HKDC1: variants seen among roughly 807,000 people sequenced by gnomAD.
HKDC1 encodes the protein hexokinase domain containing 1, also known as hexokinase HKDC1.
Under a neutral mutation model 96.6 loss-of-function variants are expected in HKDC1, and 66 were observed. That is an observed-to-expected ratio of 0.68 (90% CI 0.56 to 0.84). The LOEUF (loss-of-function observed/expected upper bound fraction) is 0.84. Ranked by LOEUF, HKDC1 falls within the 40% of genes least tolerant of loss-of-function variation. HKDC1 has a pLI of 0.00. For synonymous variants in HKDC1, 466 were observed against 473.1 expected (o/e 0.98, Z 0.20); for missense variants, 1,211 against 1,208.1 (o/e 1.00, Z -0.04).
intron 15 of HKDC1, 42 bp downstream of exon 15, chr10:69,259,001 G>A: frequency 7.0e-7 from 1 of 1,432,524 alleles, no homozygotes; most frequent in Non-Finnish European, 9.3e-7. Context: ...GTTGTGTAGT[G>A]AACAACACTA....
intron 2 of HKDC1, among the ~76,000 whole-genome samples, chr10:69,229,758 G>A (rs903564768): frequency 6.6e-6 from 1 of 152,092 alleles, no homozygotes; most frequent in Admixed American, 6.6e-5. Flanking sequence ...CCCCGTCTCC[G>A]CAGAGCCTCT....
intron 7 of HKDC1, among the ~76,000 whole-genome samples, chr10:69,244,839 A>G (rs1290935161): frequency 1.3e-5 from 2 of 151,740 alleles, no homozygotes; most frequent in African/African-American, 4.8e-5. Context: ...AAATATATAT[A>G]TATATTATAT....
intron 16 of HKDC1, among the ~76,000 whole-genome samples, chr10:69,263,307 C>A (rs567526395): frequency 1.3e-5 from 2 of 152,288 alleles, no homozygotes; most frequent in African/African-American, 4.8e-5. Context: ...CCATGTCGCC[C>A]AGGTTGATCT....
At chr10:69,260,043 T>G (rs1293342820) in intron 15 of HKDC1, among the ~76,000 whole-genome samples, 1 of 152,264 alleles carries the variant, frequency 6.6e-6, no homozygotes, top group Non-Finnish European at 1.5e-5. Context: ...TTTTAGGTTT[T>G]GCAGGCCATA....
chr10:69,250,483 C>A (rs1385333593), intron 11 of HKDC1, 48 bp downstream of exon 11: 1 of 1,612,560 alleles, frequency 6.2e-7, no homozygotes, highest in Non-Finnish European at 8.5e-7. Context: ...AGCCTGCCAC[C>A]CTGCATCGAT....
At position 69,238,666 on chromosome 10, in the gene HKDC1, G is replaced by C. The variant is rs1198169947; in HGVS notation, c.496-376G>C. Among the ~76,000 whole-genome samples the C allele has an allele frequency of 2.0e-5, 3 of 151,098 alleles. 1 individual carries two copies. ...GCTGGGATTACAGGCGTGAGCCACCGCGCCCGGCCTACACCAGGTATTTTC... is the reference window on the plus strand; with the variant it reads ...GCTGGGATTACAGGCGTGAGCCACCCCGCCCGGCCTACACCAGGTATTTTC... On this transcript the variant is annotated intron_variant, in intron 4 of 17. Transcript: ENST00000354624.
rs369848888 is a variant in HKDC1, at chr10:69,240,644, T to A, written c.592-8T>A. On this transcript the variant is annotated splice_region_variant and splice_polypyrimidine_tract_variant and intron_variant, in intron 5 of 17. Transcript: ENST00000354624. ...CCCGCTGATTCCCTCTGGCCTTGTGTTCGGCAGGACATGGACGTGGACATC... is the reference window on the plus strand; with the variant it reads ...CCCGCTGATTCCCTCTGGCCTTGTGATCGGCAGGACATGGACGTGGACATC... 2.9e-5 allele frequency: 47 copies of A among 1,612,534 alleles called. No individual in the cohort carries two copies. The African/African-American group carries it at 5.7e-4, about 20-fold the overall frequency.
chr10:69,258,670 A>G (rs1843757856), intron 14 of HKDC1, 106 bp from the exon 15 acceptor site: 1 of 1,123,520 alleles, frequency 8.9e-7, no homozygotes, highest in Admixed American at 1.7e-5. Flanking sequence ...AATCGCATCC[A>G]GTTGTATCTG....
chr10:69,232,900 G>A lies in HKDC1; in HGVS notation c.363G>A (p.Gly121=). ...CAACGCCCAATGAAATCATCCGCGG[G>A]AACGGCACAGAGGTACCTGGCAGGT... ...FYPTPNEIIR[G]NGTELFEYVA... The change falls in exon 3 of 18, where the codon GGG becomes GGA. Residue 121 remains glycine, a synonymous_variant. Coordinates refer to ENST00000354624, the MANE Select transcript of HKDC1 (RefSeq NM_025130.4). 6.2e-7 allele frequency: 1 copy of A among 1,612,976 alleles called. No homozygotes were observed. Among genetic ancestry groups the A allele is most frequent in the Non-Finnish European group, 8.5e-7 (1 of 1,180,034 alleles).
At chr10:69,262,871 G>C (rs1019358321) in intron 16 of HKDC1, among the ~76,000 whole-genome samples, 1 of 151,752 alleles carries the variant, frequency 6.6e-6, no homozygotes, top group African/African-American at 2.4e-5. Flanking sequence ...GTGTAAAACA[G>C]CTTCTCCCTC....
chr10:69,220,357 G>A lies in HKDC1; in HGVS notation c.-79G>A, dbSNP rs76538079. The stretch of plus-strand genomic sequence containing the variant: ...AGGTCTGCCAGCCTGGACTGGAAGC[G>A]TGCAACACTCCAGAGTCGTAGGAGT... On this transcript the variant is annotated 5_prime_UTR_variant, in exon 1 of 18. It adds an upstream start codon to the 5' untranslated region. Transcript: ENST00000354624. 30 of 1,120,552 alleles carry A rather than the reference G, an allele frequency of 2.7e-5. No individual in the cohort carries two copies. The African/African-American group carries it at 4.2e-4, about 16-fold the overall frequency. The allele number at this position is 1,120,552 out of a possible 1,614,324, so 69.4% of individuals were successfully genotyped here.
In HKDC1 at chr10:69,224,977, C is replaced by A. The variant is rs76214019; in HGVS notation, c.64-2230C>A. 5.3e-3 allele frequency among the ~76,000 whole-genome samples: 811 copies of A among 152,302 alleles called. 12 individuals are homozygous for A. The South Asian group carries it at 0.064, about 12-fold the overall frequency. On this transcript the variant is annotated intron_variant, in intron 1 of 17. Transcript: ENST00000354624. Reference sequence around the variant, plus strand: ...TGAAAATAGGTGCTTTTTGTCCCAACATATGTTTCACTTTTCCCTTCTAAC... The same window carrying A: ...TGAAAATAGGTGCTTTTTGTCCCAAAATATGTTTCACTTTTCCCTTCTAAC...
Position 69,265,620 on chromosome 10 carries a change from T to C in HKDC1, c.2408T>C (p.Leu803Pro). ...RLALLQVRRI[L>P]QQLGLDSTCE... is the part of the protein sequence containing the mutation. ...GCCCTTCTCCAGGTCAGGAGGATTC[T>C]GCAGCAGCTGGGCCTGGACAGCACG... is the stretch of plus-strand genomic sequence containing the variant. Residue 803 changes from leucine to proline, a missense_variant, in exon 17 of 18, where the codon CTG becomes CCG. By Grantham distance (98) the Leu-to-Pro change is moderately conservative (BLOSUM62 -3). Coordinates refer to ENST00000354624, the MANE Select transcript of HKDC1 (RefSeq NM_025130.4). 6.2e-7 allele frequency: 1 copy of C among 1,613,916 alleles called. No individual in the cohort carries two copies.
chr10:69,234,973 G>T (rs2394531), intron 4 of HKDC1, among the ~76,000 whole-genome samples: 6 of 152,144 alleles, frequency 3.9e-5, no homozygotes, highest in African/African-American at 1.4e-4. Flanking sequence ...TATAAAGAAG[G>T]TTCCAGGGGC....
rs1843805763 is a variant in HKDC1, at chr10:69,261,281, T to A, written c.2359T>A (p.Ser787Thr). Residue 787 changes from serine (S) to threonine (T), a missense_variant, in exon 16 of 18, where the codon TCC becomes ACC. Coordinates refer to ENST00000354624, the MANE Select transcript of HKDC1 (RefSeq NM_025130.4). ...GGGCATCTTCGAAACCAAGTTCCTGTCCCAGATCGAAAGGTGACCTGTGAT... is the reference window on the plus strand; with the variant it reads ...GGGCATCTTCGAAACCAAGTTCCTGACCCAGATCGAAAGGTGACCTGTGAT... ...TRGIFETKFLSQIESDRLALL... is the reference protein window; with the variant it reads ...TRGIFETKFLTQIESDRLALL... 2 of 1,613,990 alleles carry A rather than the reference T, an allele frequency of 1.2e-6. No individual in the cohort carries two copies. Among genetic ancestry groups the A allele is most frequent in the Admixed American group, 3.3e-5 (2 of 60,010 alleles).
intron 6 of HKDC1, among the ~76,000 whole-genome samples, chr10:69,241,424 A>C (rs866910058): frequency 6.6e-6 from 1 of 152,098 alleles, no homozygotes; most frequent in Non-Finnish European, 1.5e-5. Flanking sequence ...TTATCCCCTG[A>C]GGGAGACTGG....
At chr10:69,220,614 G>A in intron 1 of HKDC1, 116 bp downstream of exon 1, 1 of 658,850 alleles carries the variant, frequency 1.5e-6, no homozygotes, top group African/African-American at 1.9e-5. Context: ...AAGATACTGG[G>A]AGCATATGAC....
chr10:69,265,344 T>C, intron 16 of HKDC1: 1 of 524,992 alleles, frequency 1.9e-6, no homozygotes, highest in Non-Finnish European at 3.4e-6. Flanking sequence ...ATCACAGATA[T>C]GAACATGCTG....
chr10:69,236,568 G>T (rs1021813415), intron 4 of HKDC1, among the ~76,000 whole-genome samples: 1 of 151,828 alleles, frequency 6.6e-6, no homozygotes, highest in African/African-American at 2.4e-5. Flanking sequence ...ATCACCTGAG[G>T]TCGGGAGTTC....
Sources: allele counts gnomAD v4.1 joint callset (sites outside exome capture counted in the v4.1 genomes callset), GRCh38; gene constraint gnomAD v4.1.1; transcripts MANE v1.5; gene names NCBI Gene and HGNC (gene_info 2026-07-23, HGNC 2026-07-21).